The following SOCS7 variants were observed in gnomAD, a reference collection of about 807,000 sequenced individuals.
The protein encoded by SOCS7 is NAP-4.
Under a neutral mutation model 58.9 loss-of-function variants are expected in SOCS7, and 18 were observed. That is an observed-to-expected ratio of 0.31 (90% confidence interval 0.21 to 0.45). SOCS7 has a LOEUF of 0.45. Ranked by LOEUF, SOCS7 falls within the 20% of genes least tolerant of loss-of-function variation. SOCS7 has a pLI of 1.00. For synonymous variants in SOCS7, 388 were observed against 364.3 expected, an observed-to-expected ratio of 1.06 and a Z score of -0.74; for missense variants, 667 against 837.3, an observed-to-expected ratio of 0.80 and a Z score of 2.51.
At position 38,368,279 on chromosome 17, in the gene SOCS7, TG is replaced by T. The variant is rs1447190077; in HGVS notation, c.1552+230del. On this transcript the variant is annotated intron_variant, in intron 6 of 9. Transcript: ENST00000612932. ...TTTAAAAGTCTTGTCAGCAGCATCT[TG>T]TTTCCTAAATAGGAGGGCCTGAACA... Among the ~76,000 whole-genome samples, 3 of 152,314 alleles carry T rather than the reference TG, an allele frequency of 2.0e-5. No individual in the cohort carries two copies. The East Asian group carries it at 5.8e-4, about 29-fold the overall frequency.
intron 7 of SOCS7, among the ~76,000 whole-genome samples, chr17:38,390,008 G>A (rs979189158): frequency 6.9e-6 from 1 of 144,542 alleles, no homozygotes; most frequent in Non-Finnish European, 1.5e-5. Context: ...TGCAACCTCC[G>A]CCTCCTGGCC....
Position 38,352,360 on chromosome 17 carries a change from C to A in SOCS7, c.308C>A (p.Ala103Asp). 1 of 1,452,192 alleles carries A rather than the reference C, an allele frequency of 6.9e-7. No individual in the cohort carries two copies. The highest frequency in any genetic ancestry group is 9.0e-7 in the Non-Finnish European group (1 of 1,114,256). The allele number at this position is 1,452,192 out of a possible 1,614,324, so 90.0% of individuals were successfully genotyped here. A position where few individuals can be genotyped will look rare whatever the true frequency, so the allele number is the denominator to read the frequency against. The change falls in exon 1 of 10, where the codon GCC (alanine) becomes GAC (aspartate). Residue 103 changes from alanine (A) to aspartate (D), a missense_variant. Around this residue, in one of 9 missense-constraint regions of SOCS7, gnomAD observed 154 missense variants for 156.3 expected, o/e 0.98. Transcript: ENST00000612932. The surrounding 1 kb of genome is among the most constrained non-coding windows in gnomAD (Gnocchi z 5.5). ...CACCGCTGTGCCCTGGACCCCAAGG[C>A]CCTGCCGCCGGGCTTGGCGCTCGAG... The part of the protein sequence containing the change: ...PRHRCALDPK[A>D]LPPGLALERT...
chr17:38,383,901 C>T (rs761381956), intron 7 of SOCS7, among the ~76,000 whole-genome samples: 2 of 152,150 alleles, frequency 1.3e-5, no homozygotes, highest in Admixed American at 6.5e-5. Context: ...AGATATTAGA[C>T]ATACTCAGAA....
chr17:38,366,249 G>A (rs2037787858), intron 4 of SOCS7, 38 bp from the exon 5 acceptor site: 2 of 1,605,964 alleles, frequency 1.2e-6, no homozygotes. Context: ...TGGGAGCAGT[G>A]AGGGTAAACA....
chr17:38,358,939 C>A (rs956978873), intron 1 of SOCS7, among the ~76,000 whole-genome samples: 3 of 152,112 alleles, frequency 2.0e-5, no homozygotes, highest in African/African-American at 7.2e-5. Context: ...AGTGAGAAGG[C>A]CTCCGCAAGA....
At chr17:38,370,189 G>C (rs973474689) in intron 6 of SOCS7, among the ~76,000 whole-genome samples, 9 of 151,940 alleles carry the variant, frequency 5.9e-5, no homozygotes, top group African/African-American at 1.9e-4. Context: ...GTAGAGACAG[G>C]GTTTTGCCAC....
chr17:38,382,281 A>T (rs892116991), intron 7 of SOCS7, among the ~76,000 whole-genome samples: 1 of 151,634 alleles, frequency 6.6e-6, no homozygotes, highest in Non-Finnish European at 1.5e-5. Context: ...AAAACAAAAC[A>T]AAAAAGCCTA....
At chr17:38,382,996 C>G (rs1385645032) in intron 7 of SOCS7, among the ~76,000 whole-genome samples, 1 of 152,004 alleles carries the variant, frequency 6.6e-6, no homozygotes, top group Non-Finnish European at 1.5e-5. Flanking sequence ...ATGCCAGGAG[C>G]ACTCACCCCC....
At chr17:38,367,057 G>A (rs2068006936) in intron 5 of SOCS7, among the ~76,000 whole-genome samples, 2 of 152,078 alleles carry the variant, frequency 1.3e-5, no homozygotes, top group South Asian at 4.1e-4. Context: ...GTTTTTTGTT[G>A]TTGTTGTTGT....
chr17:38,371,754 GTT>G lies in SOCS7; in HGVS notation c.1552+3727_1552+3728del, dbSNP rs770296566. On this transcript the variant is annotated intron_variant, in intron 6 of 9. Coordinates refer to ENST00000612932, the MANE Select transcript of SOCS7 (RefSeq NM_014598.4). ...GAGCCACTGTGCCTGGCCCTTTTGT[GTT>G]TTTTTTTTTTTTTTTTTTTTTTGTG... 9.4e-3 allele frequency among the ~76,000 whole-genome samples: 682 copies of G among 72,206 alleles called. 4 individuals carry two copies. The highest frequency in any genetic ancestry group is 0.034 in the African/African-American group (611 of 18,222). The allele number at this position is 72,206 out of a possible 152,430, so 47.4% of individuals were successfully genotyped here. A position where few individuals can be genotyped will look rare whatever the true frequency, so the allele number is the denominator to read the frequency against.
chr17:38,398,662 A>G (rs977537436), intron 9 of SOCS7, among the ~76,000 whole-genome samples: 4 of 152,122 alleles, frequency 2.6e-5, no homozygotes, highest in Admixed American at 6.5e-5. Flanking sequence ...TACCTGGGGA[A>G]TTTCATGCCA....
chr17:38,365,003 C>G, intron 3 of SOCS7, 147 bp downstream of exon 3: 1 of 641,230 alleles, frequency 1.6e-6, no homozygotes, highest in Non-Finnish European at 2.8e-6. Context: ...CGTCATCTCC[C>G]TAAGCAATTA....
At chr17:38,390,551 C>G (rs2038157042) in intron 7 of SOCS7, among the ~76,000 whole-genome samples, 1 of 152,128 alleles carries the variant, frequency 6.6e-6, no homozygotes, top group African/African-American at 2.4e-5. Flanking sequence ...ATTATGTCTT[C>G]TGATCCATGG....
In SOCS7 at chr17:38,366,328, C is replaced by G. The variant is rs1165673772; in HGVS notation, c.1294C>G (p.Leu432Val). The part of the protein sequence containing the change: ...RIAPIRAAES[L>V]HSQPPQHLQC... Reference sequence around the variant, plus strand: ...TGCTCCCATCCGAGCAGCTGAATCCCTGCACAGCCAACCCCCACAGCACCT... The same window carrying G: ...TGCTCCCATCCGAGCAGCTGAATCCGTGCACAGCCAACCCCCACAGCACCT... Residue 432 changes from leucine (L) to valine (V), a missense_variant, in exon 5 of 10, where the codon CTG becomes GTG. Physicochemically the swap from Leu to Val is conservative, Grantham distance 32. Coordinates refer to ENST00000612932, the MANE Select transcript of SOCS7 (RefSeq NM_014598.4). 6.2e-7 allele frequency: 1 copy of G among 1,614,090 alleles called. No individual in the cohort carries two copies. Among genetic ancestry groups the G allele is most frequent in the African/African-American group, 1.3e-5 (1 of 74,916 alleles).
intron 7 of SOCS7, among the ~76,000 whole-genome samples, chr17:38,393,641 A>C (rs1286512110): frequency 1.3e-5 from 2 of 151,640 alleles, no homozygotes; most frequent in African/African-American, 2.4e-5. Context: ...CTGTCTTAAA[A>C]AAACAAACAA....
At chr17:38,354,625 T>C (rs1555566613) in intron 1 of SOCS7, among the ~76,000 whole-genome samples, 1 of 152,150 alleles carries the variant, frequency 6.6e-6, no homozygotes, top group African/African-American at 2.4e-5. Context: ...TCTTGAAAAG[T>C]GGGTGGCTGC....
intron 6 of SOCS7, among the ~76,000 whole-genome samples, chr17:38,374,920 T>C (rs553019559): frequency 2.0e-5 from 3 of 152,172 alleles, no homozygotes; most frequent in Non-Finnish European, 4.4e-5. Flanking sequence ...CCAAAGCAAA[T>C]GGTAGAAGAA....
In SOCS7 at chr17:38,389,898, T is replaced by TATATGTAC; in HGVS notation, c.1682-5410_1682-5409insTATGTACA. ...ATATATATATGTACATATATATATA[T>TATATGTAC]ACACATATAGAGAGAGAGAGAGAGA... On this transcript the variant is annotated intron_variant, in intron 7 of 9. Coordinates refer to ENST00000612932, the MANE Select transcript of SOCS7 (RefSeq NM_014598.4). Among the ~76,000 whole-genome samples, 3 of 82,444 alleles carry TATATGTAC rather than the reference T, an allele frequency of 3.6e-5. 1 individual carries two copies. Among genetic ancestry groups the TATATGTAC allele is most frequent in the African/African-American group, 2.6e-4 (3 of 11,734 alleles). The allele number at this position is 82,444 out of a possible 152,430, so 54.1% of individuals were successfully genotyped here.
rs544613036 is a variant in SOCS7 at position 38,383,689 on chromosome 17, C to T, written c.1681+5847C>T. Among the ~76,000 whole-genome samples the T allele has an allele frequency of 1.9e-4, 29 of 152,156 alleles. No individual in the cohort carries two copies. In the South Asian group the frequency reaches 4.2e-3, roughly 22 times the overall value. On this transcript the variant is annotated intron_variant, in intron 7 of 9. Transcript: ENST00000612932. ...TCTCCTGAGTAGCTGGGATTATAGGCGCCCACCATCACGCCCGGCTAAATT... is the reference window on the plus strand; with the variant it reads ...TCTCCTGAGTAGCTGGGATTATAGGTGCCCACCATCACGCCCGGCTAAATT...
Sources: allele counts gnomAD v4.1 joint callset (sites outside exome capture counted in the v4.1 genomes callset), GRCh38; gene constraint gnomAD v4.1.1; regional missense constraint gnomAD v4.1.1; non-coding constraint Gnocchi (gnomAD v3.1); transcripts MANE v1.5; gene names NCBI Gene and HGNC (gene_info 2026-07-23, HGNC 2026-07-21).